Variants in LDLRAD4 observed in about 807,000 individuals in gnomAD.
LDLRAD4 encodes low-density lipoprotein receptor class A domain-containing protein 4.
A neutral mutation model predicts 17.0 loss-of-function variants in LDLRAD4; 5 were observed. The observed-to-expected ratio is 0.29, with a 90% CI of 0.15 to 0.62. The LOEUF (loss-of-function observed/expected upper bound fraction) is 0.62. LDLRAD4 is among the 20% of genes least tolerant of loss of function. The pLI, the probability that LDLRAD4 is intolerant of heterozygous loss-of-function variation, is 0.84. For synonymous variants in LDLRAD4, 168 were observed against 171.8 expected (o/e 0.98, Z 0.17); for missense variants, 340 against 424.7 (o/e 0.80, Z 1.75).
chr18:13,261,060 C>G (rs1370701804), intron 1 of LDLRAD4, among the ~76,000 whole-genome samples: 3 of 152,206 alleles, frequency 2.0e-5, no homozygotes, highest in African/African-American at 4.8e-5. Context: ...CGTTCACAGC[C>G]CCCTCATTCC....
At chr18:13,533,165 A>T (rs1482336166) in intron 3 of LDLRAD4, among the ~76,000 whole-genome samples, 1 of 152,182 alleles carries the variant, frequency 6.6e-6, no homozygotes, top group East Asian at 1.9e-4. Flanking sequence ...CACAGCAACC[A>T]TCTAGTGATG....
intron 3 of LDLRAD4, among the ~76,000 whole-genome samples, chr18:13,495,136 G>A (rs1386280950): frequency 1.3e-5 from 2 of 152,164 alleles, no homozygotes; most frequent in African/African-American, 2.4e-5. Flanking sequence ...GAAGGGCTAT[G>A]CAGCAGGATT....
At chr18:13,248,726 CA>C (rs1324459587) in intron 1 of LDLRAD4, among the ~76,000 whole-genome samples, 3 of 152,180 alleles carry the variant, frequency 2.0e-5, no homozygotes, top group Non-Finnish European at 4.4e-5. Flanking sequence ...TTAGCATCTC[CA>C]TCATCTCAAA....
At chr18:13,631,432 A>G (rs1218570953) in intron 4 of LDLRAD4, among the ~76,000 whole-genome samples, 1 of 152,200 alleles carries the variant, frequency 6.6e-6, no homozygotes, top group Non-Finnish European at 1.5e-5. Flanking sequence ...TAAAGAATTG[A>G]CATCAATCCT....
chr18:13,405,232 A>G (rs985280327), intron 2 of LDLRAD4, among the ~76,000 whole-genome samples: 2 of 152,146 alleles, frequency 1.3e-5, no homozygotes, highest in Admixed American at 6.5e-5. Flanking sequence ...TAGTCTCCAC[A>G]GTGACTTCAA....
intron 3 of LDLRAD4, among the ~76,000 whole-genome samples, chr18:13,493,555 T>C (rs1785108): frequency 0.33 from 50,855 of 152,154 alleles, 8,788 homozygotes; most frequent in African/African-American, 0.4. Context: ...CTGAGAAGAA[T>C]GCTGTTCTTA....
intron 3 of LDLRAD4, among the ~76,000 whole-genome samples, chr18:13,551,074 A>G (rs545811314): frequency 4.6e-5 from 7 of 151,988 alleles, no homozygotes; most frequent in Admixed American, 1.3e-4. Flanking sequence ...GCAATTTTCT[A>G]TGCATCTCTA....
chr18:13,327,202 G>C (rs1427967566), intron 1 of LDLRAD4, among the ~76,000 whole-genome samples: 1 of 152,016 alleles, frequency 6.6e-6, no homozygotes, highest in Non-Finnish European at 1.5e-5. Context: ...AAGAAATGAT[G>C]ATGTTAGTGA....
intron 2 of LDLRAD4, among the ~76,000 whole-genome samples, chr18:13,391,322 AC>A (rs1256352245): frequency 2.6e-5 from 4 of 151,872 alleles, no homozygotes; most frequent in African/African-American, 9.7e-5. Context: ...GGGCTGGGAG[AC>A]CTGCCATGAA....
At chr18:13,324,874 G>A (rs536575654) in intron 1 of LDLRAD4, among the ~76,000 whole-genome samples, 23 of 152,318 alleles carry the variant, frequency 1.5e-4, no homozygotes, top group African/African-American at 5.5e-4. Context: ...GTGAGTGGTC[G>A]CATTCTTGTG....
chr18:13,262,582 G>A (rs1206469071), intron 1 of LDLRAD4, among the ~76,000 whole-genome samples: 1 of 111,002 alleles, frequency 9.0e-6, no homozygotes, highest in East Asian at 3.1e-4. Context: ...GTGCGGCTCC[G>A]TGCGTTGGGG....
chr18:13,564,369 T>C (rs142606502), intron 3 of LDLRAD4, among the ~76,000 whole-genome samples: 94 of 149,416 alleles, frequency 6.3e-4, no homozygotes, highest in African/African-American at 2.3e-3. Flanking sequence ...TGCACATCTC[T>C]GGCAATTTTC....
chr18:13,534,715 C>T (rs1210778333), intron 3 of LDLRAD4, among the ~76,000 whole-genome samples: 1 of 152,166 alleles, frequency 6.6e-6, no homozygotes, highest in African/African-American at 2.4e-5. Context: ...GTGAAAGTTA[C>T]TCACTTTTGG....
intron 1 of LDLRAD4, among the ~76,000 whole-genome samples, chr18:13,282,109 G>C (rs189993528): frequency 7.9e-4 from 121 of 152,232 alleles, no homozygotes; most frequent in African/African-American, 2.7e-3. Context: ...AATAGTATGG[G>C]AAAGACTGGC....
chr18:13,339,980 T>C (rs535654378), intron 1 of LDLRAD4, among the ~76,000 whole-genome samples: 51 of 152,342 alleles, frequency 3.3e-4, no homozygotes, highest in Non-Finnish European at 6.3e-4. Context: ...ACTGCCATTC[T>C]ACTTTCTCTA....
intron 1 of LDLRAD4, among the ~76,000 whole-genome samples, chr18:13,226,180 C>CTTTTTTTTTTTTTTTTTT (rs71174166): frequency 0.012 from 645 of 52,188 alleles, 211 homozygotes; most frequent in Non-Finnish European, 0.013. Context: ...CCATGCCTTG[C>CTTTTTTTTTTTTTTTTTT]TTTTTTTTTT....
At chr18:13,435,789 GAAGT>G (rs1351700149) in intron 2 of LDLRAD4, among the ~76,000 whole-genome samples, 1 of 152,224 alleles carries the variant, frequency 6.6e-6, no homozygotes, top group African/African-American at 2.4e-5. Context: ...CGTTATCTAA[GAAGT>G]AAGAGCCAAG....
At chr18:13,617,202 T>G (rs780567541) in intron 3 of LDLRAD4, among the ~76,000 whole-genome samples, 1 of 152,146 alleles carries the variant, frequency 6.6e-6, no homozygotes. Flanking sequence ...TCTCCCAAAG[T>G]GCTGAGATTC....
At chr18:13,348,269 T>C (rs1476989681) in intron 1 of LDLRAD4, among the ~76,000 whole-genome samples, 1 of 152,144 alleles carries the variant, frequency 6.6e-6, no homozygotes, top group East Asian at 1.9e-4. Flanking sequence ...GTCCTTTCTG[T>C]TTGTTAGTTT....
Sources: allele counts gnomAD v4.1 joint callset (sites outside exome capture counted in the v4.1 genomes callset), GRCh38; gene constraint gnomAD v4.1.1; transcripts MANE v1.5; gene names NCBI Gene and HGNC (gene_info 2026-07-23, HGNC 2026-07-21).